NCF2: variants seen among roughly 807,000 people sequenced by gnomAD.
NCF2 encodes the protein neutrophil cytosol factor 2.
In NCF2, 45 loss-of-function variants were observed where a neutral mutation model predicts 70.9. The ratio of observed to expected loss-of-function variants is 0.63; its 90% CI spans 0.50 to 0.81. The LOEUF (loss-of-function observed/expected upper bound fraction) is 0.81, where lower values mean the gene tolerates loss of function less well. Among genes scored for constraint, NCF2 ranks in the 40% least tolerant of loss-of-function variants. The pLI, the probability that NCF2 is intolerant of heterozygous loss-of-function variation, is 0.00. For missense variants in NCF2, 522 were observed against 631.6 expected (o/e 0.83, Z 1.86); for synonymous variants, 203 against 233.6 (o/e 0.87, Z 1.19).
intron 14 of NCF2, among the ~76,000 whole-genome samples, chr1:183,557,237 A>T (rs1377769932): frequency 6.6e-6 from 1 of 152,230 alleles, no homozygotes; most frequent in African/African-American, 2.4e-5. Flanking sequence ...CCACACAGCC[A>T]GTTCAGAAGT....
chr1:183,587,037 A>T, intron 1 of NCF2, 60 bp from the exon 2 acceptor site: 1 of 1,483,518 alleles, frequency 6.7e-7, no homozygotes, highest in African/African-American at 1.4e-5. Flanking sequence ...GTGTGAGATG[A>T]GCCACGGCTC....
intron 2 of NCF2, among the ~76,000 whole-genome samples, chr1:183,579,813 G>A (rs1015458678): frequency 1.3e-5 from 2 of 151,336 alleles, no homozygotes; most frequent in African/African-American, 2.4e-5. Flanking sequence ...AGAACTAAAG[G>A]AGATGAAGCA....
intron 11 of NCF2, 90 bp from the exon 12 acceptor site, chr1:183,563,675 G>T (rs1672180762): frequency 6.5e-7 from 1 of 1,527,984 alleles, no homozygotes; most frequent in Admixed American, 1.7e-5. Flanking sequence ...TTTGGCACAG[G>T]GGGTACCCAA....
At chr1:183,566,066 T>C (rs981363514) in intron 9 of NCF2, among the ~76,000 whole-genome samples, 24 of 152,232 alleles carry the variant, frequency 1.6e-4, no homozygotes, top group Admixed American at 2.6e-4. Flanking sequence ...GGAAATCCAC[T>C]GGCCGTGGGG....
chr1:183,556,278 G>GAT, intron 14 of NCF2, 48 bp from the exon 15 acceptor site: 2 of 1,511,880 alleles, frequency 1.3e-6, no homozygotes, highest in Non-Finnish European at 1.8e-6. Context: ...ACTGTAGGAA[G>GAT]ATTACCCTGT....
chr1:183,573,191 C>G lies in NCF2; in HGVS notation c.603G>C (p.Lys201Asn). The G allele has an allele frequency of 6.2e-7, 1 of 1,614,116 alleles. No individual in the cohort carries two copies. Among genetic ancestry groups the G allele is most frequent in the Non-Finnish European group, 8.5e-7 (1 of 1,179,978 alleles). Residue 201 changes from lysine to asparagine, a missense_variant, in exon 5 of 15, where the codon AAG (lysine) becomes AAC (asparagine). Lys to Asn is a moderately conservative substitution (Grantham distance 94, BLOSUM62 0). Coordinates refer to ENST00000367535, the MANE Select transcript of NCF2 (RefSeq NM_000433.4). ...GCTGAGCAATCCCACCTACCGTCGC[C>G]TTGCCTAGGTAATCCTTCTTGGCCA... The part of the protein sequence containing the change: ...AQLAKKDYLG[K>N]ATVVASVVDQ...
In NCF2 at chr1:183,567,187, C is replaced by G. The variant is rs1240329533; in HGVS notation, c.855+17G>C. 1.1e-5 allele frequency: 18 copies of G among 1,614,012 alleles called. No homozygotes were observed. The highest frequency in any genetic ancestry group is 1.4e-5 in the Non-Finnish European group (16 of 1,180,024). ...GGATCCCATGCCCATCGCACCAGCC[C>G]CTGATCCTCTGCATACCTGCCCGTT... On this transcript the variant is annotated intron_variant, in intron 8 of 14. Coordinates refer to ENST00000367535, the MANE Select transcript of NCF2 (RefSeq NM_000433.4).
intron 4 of NCF2, among the ~76,000 whole-genome samples, chr1:183,574,056 C>T (rs1479136896): frequency 6.6e-6 from 1 of 152,244 alleles, no homozygotes; most frequent in Admixed American, 6.5e-5. Flanking sequence ...CACCACTGCA[C>T]TCCAGGCTGG....
Position 183,555,921 on chromosome 1 carries a change from TCTC to T in NCF2, c.*194_*196del. On this transcript the variant is annotated 3_prime_UTR_variant, in exon 15 of 15. Coordinates refer to ENST00000367535, the MANE Select transcript of NCF2 (RefSeq NM_000433.4). ...TAACTCCTCCATTCACCTGTCCCCA[TCTC>T]CTCACCCACTGTGCCCCAGGAAATC... The T allele has an allele frequency of 3.2e-6, 2 of 630,124 alleles. No individual in the cohort carries two copies. The highest frequency in any genetic ancestry group is 2.8e-5 in the East Asian group (1 of 36,306). The allele number at this position is 630,124 out of a possible 1,614,324, so 39.0% of individuals were successfully genotyped here.
chr1:183,583,365 A>G (rs1300351783), intron 2 of NCF2, among the ~76,000 whole-genome samples: 1 of 152,074 alleles, frequency 6.6e-6, no homozygotes, highest in African/African-American at 2.4e-5. Context: ...ATCTGAGGGA[A>G]TTTCTGTCCC....
chr1:183,589,736 A>G (rs1572181017), intron 1 of NCF2, among the ~76,000 whole-genome samples: 1 of 152,316 alleles, frequency 6.6e-6, no homozygotes, highest in East Asian at 1.9e-4. Context: ...TTGAGCAGGC[A>G]AAGTCGACAC....
Position 183,563,510 on chromosome 1 carries a change from G to T in NCF2, c.1102C>A (p.Pro368Thr). 6.2e-7 allele frequency: 1 copy of T among 1,614,154 alleles called. No individual in the cohort carries two copies. Among genetic ancestry groups the T allele is most frequent in the Non-Finnish European group, 8.5e-7 (1 of 1,180,038 alleles). The part of the protein sequence containing the change: ...YKYTVVMKTQ[P>T]GLPYSQVRDM... ...CGGACCTGGCTGTAGGGGAGCCCGG[G>T]CTGAGTCTTCATGACTACCGTGTAC... The change falls in exon 12 of 15, where the codon CCC becomes ACC. Residue 368 changes from proline (P) to threonine (T), a missense_variant. By Grantham distance (38) the Pro-to-Thr change is conservative. Transcript: ENST00000367535.
upstream of NCF2, among the ~76,000 whole-genome samples, chr1:183,593,972 T>C (rs555918310): frequency 6.6e-6 from 1 of 152,302 alleles, no homozygotes; most frequent in African/African-American, 2.4e-5. Context: ...CTAGACAGCA[T>C]TGTGAGATGT....
At chr1:183,578,078 G>A (rs183285261) in intron 2 of NCF2, among the ~76,000 whole-genome samples, 2 of 152,326 alleles carry the variant, frequency 1.3e-5, no homozygotes, top group Non-Finnish European at 2.9e-5. Context: ...CCCCCTGCCT[G>A]TGTCCCTGCA....
intron 2 of NCF2, among the ~76,000 whole-genome samples, chr1:183,584,147 G>A (rs1238507843): frequency 1.3e-5 from 2 of 152,188 alleles, no homozygotes; most frequent in Non-Finnish European, 2.9e-5. Context: ...GGGAGAGGGT[G>A]GCCTTGCCCA....
Position 183,560,118 on chromosome 1 carries a change from A to G in NCF2, c.1446T>C (p.Asp482=), listed in dbSNP as rs146762552. 35 of 1,614,062 alleles carry G rather than the reference A, an allele frequency of 2.2e-5. No homozygotes were observed. In the African/African-American group the frequency reaches 4.0e-4, roughly 18 times the overall value. ...QPEDLEFQEG[D]IILVLSKVNE... is the part of the protein sequence containing the mutation. ...TACCCTTTGATAACACCAGGATTAT[A>G]TCCCCTTCCTGAAACTCCAGGTCCT... The change falls in exon 14 of 15, where the codon GAT becomes GAC. Residue 482 remains aspartate (D), a synonymous_variant. Transcript: ENST00000367535.
At chr1:183,591,388 T>C (rs575518697), upstream of NCF2, among the ~76,000 whole-genome samples, 1 of 152,370 alleles carries the variant, frequency 6.6e-6, no homozygotes, top group South Asian at 2.1e-4. Context: ...GCTGTATTAA[T>C]ATGTTAGTGT....
chr1:183,573,359 C>T (rs1672657218), intron 4 of NCF2, 67 bp from the exon 5 acceptor site: 2 of 1,361,658 alleles, frequency 1.5e-6, no homozygotes, highest in Non-Finnish European at 2.1e-6. Context: ...TCCTGCCTCC[C>T]TCAGTGAATA....
At chr1:183,593,111 A>T (rs1673716549), upstream of NCF2, among the ~76,000 whole-genome samples, 1 of 152,060 alleles carries the variant, frequency 6.6e-6, no homozygotes, top group African/African-American at 2.4e-5. Flanking sequence ...ATCACTCTTC[A>T]CCAATGTATG....
Sources: allele counts gnomAD v4.1 joint callset (sites outside exome capture counted in the v4.1 genomes callset), GRCh38; gene constraint gnomAD v4.1.1; transcripts MANE v1.5; gene names NCBI Gene and HGNC (gene_info 2026-07-23, HGNC 2026-07-21).